Variants in HERC1 observed in about 807,000 individuals in gnomAD.
HERC1 encodes HECT and RLD domain containing E3 ubiquitin protein ligase family member 1, also known as probable E3 ubiquitin-protein ligase HERC1.
HERC1 carries 160 observed loss-of-function variants against 554.3 expected under a neutral mutation model. That is an observed-to-expected ratio of 0.29 (90% CI 0.25 to 0.33). The LOEUF is 0.33. Among genes scored for constraint, HERC1 ranks in the 10% least tolerant of loss-of-function variants. The probability of loss-of-function intolerance (pLI) is 1.00; values close to 1 mark genes in which losing one functional copy is unlikely to be tolerated. For synonymous variants in HERC1, 2,175 were observed against 2,131.7 expected, an observed-to-expected ratio of 1.02 and a Z score of -0.56; for missense variants, 4,919 against 5,918.5, an observed-to-expected ratio of 0.83 and a Z score of 5.54.
chr15:63,806,311 C>G (rs1193561973), intron 1 of HERC1, among the ~76,000 whole-genome samples: 1 of 152,008 alleles, frequency 6.6e-6, no homozygotes, highest in African/African-American at 2.4e-5. Context: ...TAATCTTTAC[C>G]TGTCAAAATC....
At chr15:63,773,017 C>T (rs1300955033) in intron 2 of HERC1, among the ~76,000 whole-genome samples, 2 of 152,126 alleles carry the variant, frequency 1.3e-5, no homozygotes, top group African/African-American at 4.8e-5. Context: ...CACTCCTGTC[C>T]AAAAGCTTTC....
Position 63,612,380 on chromosome 15 carries a change from G to A in HERC1, c.14271C>T (p.Phe4757=). Residue 4757 remains phenylalanine, a synonymous_variant, in exon 77 of 78, where the codon TTC becomes TTT. Coordinates refer to ENST00000443617, the MANE Select transcript of HERC1 (RefSeq NM_003922.4). This position sits in a 1 kb window ranked among gnomAD's most constrained non-coding sequence, Gnocchi z 5.0. Reference sequence around the variant, plus strand: ...TGGAGAACTCTTCCAGCGTGTGCCAGAACCACTGCACCAGCTGATGCTGCT... The same window carrying A: ...TGGAGAACTCTTCCAGCGTGTGCCAAAACCACTGCACCAGCTGATGCTGCT... ...VDEQHQLVQW[F]WHTLEEFSNE... 6.2e-7 allele frequency: 1 copy of A among 1,614,014 alleles called. No individual in the cohort carries two copies. The highest frequency in any genetic ancestry group is 8.5e-7 in the Non-Finnish European group (1 of 1,179,892).
intron 4 of HERC1, among the ~76,000 whole-genome samples, chr15:63,757,226 G>T (rs1596169260): frequency 6.8e-6 from 1 of 146,408 alleles, no homozygotes; most frequent in African/African-American, 2.5e-5. Flanking sequence ...AAAATGAAAT[G>T]CTAATCTAGC....
At chr15:63,610,235 G>A (rs1367098563) in intron 77 of HERC1, among the ~76,000 whole-genome samples, 2 of 152,144 alleles carry the variant, frequency 1.3e-5, no homozygotes, top group Non-Finnish European at 2.9e-5. Flanking sequence ...CCTGCTATGG[G>A]AGGTGGATGG....
At position 63,822,260 on chromosome 15, in the gene HERC1, T is replaced by C. The variant is rs913857158; in HGVS notation, c.-27+11567A>G. Among the ~76,000 whole-genome samples, 10 of 152,262 alleles carry C rather than the reference T, an allele frequency of 6.6e-5. No individual in the cohort carries two copies. The East Asian group carries it at 1.9e-3, about 29-fold the overall frequency. ...GGACTTTGCAGGTCATGGCTAGGAA[T>C]TTGGCTGTTCTTTTAATTTCTGTAT... is the stretch of plus-strand genomic sequence containing the variant. On this transcript the variant is annotated intron_variant, in intron 1 of 77. Transcript: ENST00000443617.
At position 63,746,961 on chromosome 15, in the gene HERC1, A is replaced by G; in HGVS notation, c.2477T>C (p.Leu826Pro). Reference sequence around the variant, plus strand: ...GACAGTTGAGTCCATCAGTCTGAAGAGCAAATTTCGAAGTGGACCTGCCTG... The same window carrying G: ...GACAGTTGAGTCCATCAGTCTGAAGGGCAAATTTCGAAGTGGACCTGCCTG... ...GRQAGPLRNL[L>P]FRLMDSTVPD... Residue 826 changes from leucine to proline, a missense_variant, in exon 12 of 78, where the codon CTC (leucine) becomes CCC (proline). Around this residue, in one of 11 missense-constraint regions of HERC1, gnomAD observed 744 missense variants for 1,090.0 expected, o/e 0.68. Coordinates refer to ENST00000443617, the MANE Select transcript of HERC1 (RefSeq NM_003922.4). 6.4e-7 allele frequency: 1 copy of G among 1,554,472 alleles called. No homozygotes were observed. Among genetic ancestry groups the G allele is most frequent in the Non-Finnish European group, 8.7e-7 (1 of 1,148,682 alleles).
chr15:63,755,432 T>C, intron 5 of HERC1, 107 bp from the exon 6 acceptor site: 2 of 805,756 alleles, frequency 2.5e-6, no homozygotes, highest in Non-Finnish European at 4.1e-6. Context: ...TCACAACCCA[T>C]CCAGGAATTT....
In HERC1 at chr15:63,672,571, G is replaced by A. The variant is rs371099050; in HGVS notation, c.7970C>T (p.Ala2657Val). Reference sequence around the variant, plus strand: ...TTCTGTGTCAGTGACTGGAGTGGTGGCAGTTGTGGTGTCCTCCAGAGAGCT... The same window carrying A: ...TTCTGTGTCAGTGACTGGAGTGGTGACAGTTGTGGTGTCCTCCAGAGAGCT... ...MSSSLEDTTT[A>V]TTPVTDTETV... Residue 2657 changes from alanine (A) to valine (V), a missense_variant, in exon 39 of 78, where the codon GCC (alanine) becomes GTC (valine). This residue lies in a region of HERC1 where 1,963 missense variants were observed against 2,228.6 expected (regional missense o/e 0.88). Transcript: ENST00000443617. 73 of 1,610,878 alleles carry A rather than the reference G, an allele frequency of 4.5e-5. No homozygotes were observed. The highest frequency in any genetic ancestry group is 6.7e-5 in the African/African-American group (5 of 74,876).
chr15:63,666,160 G>A lies in HERC1; in HGVS notation c.8324-10C>T. On this transcript the variant is annotated splice_polypyrimidine_tract_variant and intron_variant, in intron 41 of 77. Coordinates refer to ENST00000443617, the MANE Select transcript of HERC1 (RefSeq NM_003922.4). ...GCCTCTCCCCTAGCACCTATACAGG[G>A]GAAAAACAGTCTGATGCTGACTTTG... 4 of 1,594,902 alleles carry A rather than the reference G, an allele frequency of 2.5e-6. No homozygotes were observed. Among genetic ancestry groups the A allele is most frequent in the Non-Finnish European group, 3.4e-6 (4 of 1,169,730 alleles).
rs770665152 is a variant in HERC1 at position 63,723,216 on chromosome 15, A to T, written c.3708T>A (p.Leu1236=). 1 of 1,585,332 alleles carries T rather than the reference A, an allele frequency of 6.3e-7. No individual in the cohort carries two copies. Among genetic ancestry groups the T allele is most frequent in the Non-Finnish European group, 8.6e-7 (1 of 1,165,720 alleles). The change falls in exon 19 of 78, where the codon CTT becomes CTA. Residue 1236 remains leucine, a synonymous_variant. Coordinates refer to ENST00000443617, the MANE Select transcript of HERC1 (RefSeq NM_003922.4). ...LGCSKEPARS[L]WISMQDYAVS... is the part of the protein sequence containing the mutation. ...CAGCATAGTCCTGCATGCTGATCCA[A>T]AGGCTTCGGGCAGGCTCTTTAGAAC...
rs371382538 is a variant in HERC1 at position 63,633,886 on chromosome 15, G to A, written c.12655C>T (p.Leu4219=). 12 of 1,613,480 alleles carry A rather than the reference G, an allele frequency of 7.4e-6. No individual in the cohort carries two copies. In the African/African-American group the frequency reaches 1.2e-4, roughly 16 times the overall value. The change falls in exon 67 of 78, where the codon CTA becomes TTA. Residue 4219 remains leucine (L), a synonymous_variant. Coordinates refer to ENST00000443617, the MANE Select transcript of HERC1 (RefSeq NM_003922.4). The part of the protein sequence containing the change: ...WAFGDGDYGK[L]GLGNSTAKSS... ...TTTGCAGTGGAATTTCCTAAGCCTA[G>A]TTTTCCATAGTCTCCATCTCCAAAA... is the stretch of plus-strand genomic sequence containing the variant.
At chr15:63,646,325 G>T (rs1034365967) in intron 55 of HERC1, among the ~76,000 whole-genome samples, 5 of 152,070 alleles carry the variant, frequency 3.3e-5, no homozygotes, top group Non-Finnish European at 7.3e-5. Flanking sequence ...TATTACCAGG[G>T]TGTTCATAAT....
chr15:63,697,433 A>G (rs535288638), intron 26 of HERC1, among the ~76,000 whole-genome samples: 1 of 149,860 alleles, frequency 6.7e-6, no homozygotes, highest in South Asian at 2.1e-4. Flanking sequence ...GACTTAATAC[A>G]GGTGATGTTA....
At chr15:63,735,420 G>C (rs2074460481) in intron 12 of HERC1, among the ~76,000 whole-genome samples, 1 of 150,000 alleles carries the variant, frequency 6.7e-6, no homozygotes, top group Non-Finnish European at 1.5e-5. Flanking sequence ...GGGAGGGATA[G>C]CATTAGGAGA....
intron 71 of HERC1, 65 bp downstream of exon 71, chr15:63,625,920 G>T: frequency 6.6e-7 from 1 of 1,516,232 alleles, no homozygotes; most frequent in Non-Finnish European, 9.0e-7. Context: ...GGCCTGGCGA[G>T]CATGTCACGG....
At chr15:63,737,959 C>T (rs2074621202) in intron 12 of HERC1, among the ~76,000 whole-genome samples, 1 of 152,108 alleles carries the variant, frequency 6.6e-6, no homozygotes, top group South Asian at 2.1e-4. Context: ...ATTCAATTTT[C>T]AAACTGTTTA....
At chr15:63,720,625 C>G (rs2073779058) in intron 19 of HERC1, among the ~76,000 whole-genome samples, 1 of 152,050 alleles carries the variant, frequency 6.6e-6, no homozygotes, top group Non-Finnish European at 1.5e-5. Context: ...AAAAAATTGA[C>G]AAGGACAAAT....
At chr15:63,668,494 A>G (rs991567462) in intron 40 of HERC1, among the ~76,000 whole-genome samples, 8 of 152,198 alleles carry the variant, frequency 5.3e-5, no homozygotes, top group Admixed American at 3.3e-4. Flanking sequence ...AAAAACAAAC[A>G]AACAAACAAA....
Position 63,623,731 on chromosome 15 carries a change from C to G in HERC1, c.13605G>C (p.Met4535Ile), listed in dbSNP as rs372856016. 6.2e-7 allele frequency: 1 copy of G among 1,613,692 alleles called. No homozygotes were observed. Among genetic ancestry groups the G allele is most frequent in the African/African-American group, 1.3e-5 (1 of 74,906 alleles). The change falls in exon 73 of 78, where the codon ATG (methionine) becomes ATC (isoleucine). Residue 4535 changes from methionine to isoleucine, a missense_variant. Coordinates refer to ENST00000443617, the MANE Select transcript of HERC1 (RefSeq NM_003922.4). ...GGACACTGCAGGAATATACCTGGCACATCTCTGTGATGGTGTCATCAAACA... is the reference window on the plus strand; with the variant it reads ...GGACACTGCAGGAATATACCTGGCAGATCTCTGTGATGGTGTCATCAAACA... ...GGVFDDTITE[M>I]CQELETGIVD...
Sources: allele counts gnomAD v4.1 joint callset (sites outside exome capture counted in the v4.1 genomes callset), GRCh38; gene constraint gnomAD v4.1.1; regional missense constraint gnomAD v4.1.1; non-coding constraint Gnocchi (gnomAD v3.1); transcripts MANE v1.5; gene names NCBI Gene and HGNC (gene_info 2026-07-23, HGNC 2026-07-21).